The following MIDEAS variants were observed in gnomAD, a reference collection of about 807,000 sequenced individuals.
MIDEAS encodes mitotic deacetylase-associated SANT domain protein.
Under a neutral mutation model 102.7 loss-of-function variants are expected in MIDEAS, and 26 were observed. That is an observed-to-expected ratio of 0.25 (90% CI 0.19 to 0.35). The LOEUF is 0.35. Among genes scored for constraint, MIDEAS ranks in the 10% least tolerant of loss-of-function variants. MIDEAS has a pLI of 1.00. For synonymous variants in MIDEAS, 585 were observed against 591.0 expected (o/e 0.99, Z 0.15); for missense variants, 1,231 against 1,435.6 (o/e 0.86, Z 2.30).
chr14:73,721,352 C>T lies in MIDEAS; in HGVS notation c.2882G>A (p.Arg961His), dbSNP rs758867456. 9.9e-6 allele frequency: 16 copies of T among 1,613,950 alleles called. No individual in the cohort carries two copies. The Admixed American group carries it at 2.0e-4, about 20-fold the overall frequency. The change falls in exon 11 of 13, where the codon CGC becomes CAC. Residue 961 changes from arginine (R) to histidine (H), a missense_variant. Physicochemically the swap from Arg to His is conservative, Grantham distance 29. Transcript: ENST00000423556. The part of the protein sequence containing the change: ...EKEEQEEGRE[R>H]SRRAAAVKAT... ...TTTGACTGCCGCTGCCCGCCTGCTG[C>T]GCTCTCGCCCCTCTTCCTGCTCCTC...
Position 73,775,560 on chromosome 14 carries a change from C to T in MIDEAS, c.-248+11542G>A, listed in dbSNP as rs76432977. ...CGATCCAAGCCTCAGGATCAGGAATCGCTTCCAGTCCAGAGCCCAGCTCAT... is the reference window on the plus strand; with the variant it reads ...CGATCCAAGCCTCAGGATCAGGAATTGCTTCCAGTCCAGAGCCCAGCTCAT... On this transcript the variant is annotated intron_variant, in intron 1 of 11. Coordinates refer to the MIDEAS transcript ENST00000394071. Among the ~76,000 whole-genome samples, 1,131 of 152,160 alleles carry T rather than the reference C, an allele frequency of 7.4e-3. 9 individuals carry two copies. Among genetic ancestry groups the T allele is most frequent in the African/African-American group, 0.026 (1,077 of 41,570 alleles).
intron 9 of MIDEAS, chr14:73,724,546 T>C (rs1296504940): frequency 2.0e-5 from 3 of 152,290 alleles, no homozygotes; most frequent in African/African-American, 7.2e-5. Context: ...AGCAAAGGAC[T>C]CCTCACAACA....
intron 12 of MIDEAS, 73 bp from the exon 13 acceptor site, chr14:73,719,081 C>G: frequency 6.9e-7 from 1 of 1,448,386 alleles, no homozygotes; most frequent in African/African-American, 1.4e-5. Flanking sequence ...GCGCGAGGAG[C>G]CCCAGCCTTC....
rs557872719 is a variant in MIDEAS at position 73,722,591 on chromosome 14, A to C, written c.2724+107T>G. On this transcript the variant is annotated intron_variant, in intron 10 of 12. Coordinates refer to ENST00000423556, the MANE Select transcript of MIDEAS (RefSeq NM_001367710.1). ...GCTGTCAGGGACACTGTCTTCCTCA[A>C]CCTGCCCTCTGCAGGCTCCTGGAGA... The C allele has an allele frequency of 2.7e-5, 38 of 1,385,362 alleles. No individual in the cohort carries two copies. The South Asian group carries it at 5.1e-4, about 19-fold the overall frequency. 85.8% of individuals were successfully genotyped at this position (1,385,362 alleles called of 1,614,324 possible).
At chr14:73,731,741 A>T (rs1408100861) in intron 3 of MIDEAS, among the ~76,000 whole-genome samples, 1 of 152,242 alleles carries the variant, frequency 6.6e-6, no homozygotes. Context: ...GTGCTTCAAA[A>T]TAACCCAGTG....
intron 1 of MIDEAS, among the ~76,000 whole-genome samples, chr14:73,774,144 G>A (rs1469394659): frequency 3.3e-5 from 5 of 151,818 alleles, no homozygotes; most frequent in Admixed American, 6.6e-5. Flanking sequence ...GGAAGCCTCT[G>A]AGTGACAACC....
At chr14:73,751,452 C>G (rs963012796) in intron 1 of MIDEAS, among the ~76,000 whole-genome samples, 18 of 152,268 alleles carry the variant, frequency 1.2e-4, no homozygotes, top group African/African-American at 4.1e-4. Flanking sequence ...GTGGGAGAGG[C>G]CGGGCAGGTG....
intron 12 of MIDEAS, 83 bp downstream of exon 12, chr14:73,719,222 T>TCCCCCCC: frequency 1.3e-6 from 2 of 1,497,120 alleles, no homozygotes; most frequent in South Asian, 1.2e-5. Context: ...CTGTACCTCT[T>TCCCCCCC]CCCCCTCCCC....
Position 73,748,301 on chromosome 14 carries a change from C to G in MIDEAS, c.-247-8046G>C, listed in dbSNP as rs575230712. 3.2e-4 allele frequency among the ~76,000 whole-genome samples: 48 copies of G among 152,208 alleles called. 1 individual carries two copies. The Middle Eastern group carries it at 0.01, about 32-fold the overall frequency. ...AAAAATATGCAATTATATGGCAGAA[C>G]AGACTTCTTTAAAAAAGATGCAATT... On this transcript the variant is annotated intron_variant, in intron 1 of 12. Coordinates refer to ENST00000423556, the MANE Select transcript of MIDEAS (RefSeq NM_001367710.1).
At chr14:73,780,935 T>TG (rs1327051365) in intron 1 of MIDEAS, among the ~76,000 whole-genome samples, 6 of 129,766 alleles carry the variant, frequency 4.6e-5, no homozygotes, top group Admixed American at 8.6e-5. Context: ...TAGTTTTTTT[T>TG]GTTTTTTTGT....
intron 1 of MIDEAS, among the ~76,000 whole-genome samples, chr14:73,780,507 A>C (rs982163454): frequency 6.6e-6 from 1 of 152,216 alleles, no homozygotes; most frequent in East Asian, 1.9e-4. Context: ...TCACTCATGC[A>C]TGGGTATGAC....
intron 1 of MIDEAS, among the ~76,000 whole-genome samples, chr14:73,741,166 GA>G (rs2053276763): frequency 1.3e-5 from 2 of 152,208 alleles, no homozygotes; most frequent in African/African-American, 4.8e-5. Flanking sequence ...AGAGGGTGCA[GA>G]TTGCTAGAAC....
At chr14:73,743,565 G>A (rs946174865) in intron 1 of MIDEAS, among the ~76,000 whole-genome samples, 17 of 152,022 alleles carry the variant, frequency 1.1e-4, no homozygotes, top group East Asian at 3.9e-4. Context: ...TCAGGACTGC[G>A]CCACTTCCTC....
intron 1 of MIDEAS, among the ~76,000 whole-genome samples, chr14:73,746,387 G>A (rs1414267668): frequency 6.6e-6 from 1 of 152,192 alleles, no homozygotes; most frequent in Non-Finnish European, 1.5e-5. Flanking sequence ...CAAAGGCCAC[G>A]AAGAGTCACA....
intron 1 of MIDEAS, among the ~76,000 whole-genome samples, chr14:73,757,001 G>A (rs2053491616): frequency 6.6e-6 from 1 of 152,076 alleles, no homozygotes; most frequent in African/African-American, 2.4e-5. Context: ...GACCAGGTGA[G>A]GTAGTTCAAG....
chr14:73,748,777 A>C (rs1449603010), intron 1 of MIDEAS, among the ~76,000 whole-genome samples: 1 of 152,158 alleles, frequency 6.6e-6, no homozygotes, highest in African/African-American at 2.4e-5. Context: ...TCAAAAAAAA[A>C]AAAAAAAAAA....
chr14:73,738,548 T>A lies in MIDEAS; in HGVS notation c.1449+12A>T. ...CTCTGCCAGGTGTGGCTCCACTGCA[T>A]GCCACTCTCACCTTTGCATTCTGCA... On this transcript the variant is annotated intron_variant, in intron 2 of 12. Coordinates refer to ENST00000423556, the MANE Select transcript of MIDEAS (RefSeq NM_001367710.1). 6.5e-7 allele frequency: 1 copy of A among 1,536,652 alleles called. No homozygotes were observed. Among genetic ancestry groups the A allele is most frequent in the Non-Finnish European group, 8.8e-7 (1 of 1,138,134 alleles).
At chr14:73,733,045 T>C (rs1566588599) in intron 3 of MIDEAS, among the ~76,000 whole-genome samples, 1 of 151,570 alleles carries the variant, frequency 6.6e-6, no homozygotes, top group Non-Finnish European at 1.5e-5. Flanking sequence ...TGAGCTGAGA[T>C]TGAGCCATTG....
At chr14:73,721,760 C>A in intron 10 of MIDEAS, 1 of 448,302 alleles carries the variant, frequency 2.2e-6, no homozygotes, top group Non-Finnish European at 4.0e-6. Flanking sequence ...CAGTCACTCC[C>A]CATTGCCACC....
Sources: gnomAD v4.1 joint callset for allele counts (sites outside exome capture counted in the v4.1 genomes callset) on GRCh38, gnomAD v4.1.1 for gene constraint, MANE v1.5 for transcripts, NCBI Gene and HGNC (gene_info 2026-07-23, HGNC 2026-07-21) for gene names.